Variants in ADAMTS2 observed in about 807,000 individuals in gnomAD.
ADAMTS2 encodes the protein A disintegrin and metalloproteinase with thrombospondin motifs 2.
In ADAMTS2, 50 loss-of-function variants were observed where a neutral mutation model predicts 123.0. That is an observed-to-expected ratio of 0.41 (90% confidence interval 0.32 to 0.51). The LOEUF is 0.51. Ranked by LOEUF, ADAMTS2 falls within the 20% of genes least tolerant of loss-of-function variation. The pLI, the probability that ADAMTS2 is intolerant of heterozygous loss-of-function variation, is 0.35. For synonymous variants in ADAMTS2, 678 were observed against 695.4 expected, an observed-to-expected ratio of 0.98 and a Z score of 0.39; for missense variants, 1,494 against 1,705.2, an observed-to-expected ratio of 0.88 and a Z score of 2.18.
At chr5:179,172,766 G>A (rs1168725263) in intron 5 of ADAMTS2, among the ~76,000 whole-genome samples, 1 of 152,124 alleles carries the variant, frequency 6.6e-6, no homozygotes, top group East Asian at 1.9e-4. Flanking sequence ...AGAGCCCTGT[G>A]GCATGCCACC....
Position 179,181,130 on chromosome 5 carries a change from G to A in ADAMTS2, c.917C>T (p.Ser306Phe), listed in dbSNP as rs1324002464. 6.2e-7 allele frequency: 1 copy of A among 1,613,812 alleles called. No homozygotes were observed. The highest frequency in any genetic ancestry group is 8.5e-7 in the Non-Finnish European group (1 of 1,179,912). ...NIVNEIYHDESLGAHINVVLV... is the reference protein window; with the variant it reads ...NIVNEIYHDEFLGAHINVVLV... ...GACCACGTTGATGTGGGCACCCAAG[G>A]ACTCGTCATGGTAGATTTCATTGAC... The change falls in exon 5 of 22, where the codon TCC (serine) becomes TTC (phenylalanine). Residue 306 changes from serine to phenylalanine, a missense_variant. Around this residue, in one of 6 missense-constraint regions of ADAMTS2, gnomAD observed 70 missense variants for 85.3 expected, o/e 0.82. Transcript: ENST00000251582. This position sits in a 1 kb window ranked among gnomAD's most constrained non-coding sequence, Gnocchi z 4.1.
intron 4 of ADAMTS2, 28 bp downstream of exon 4, chr5:179,207,485 A>ACCCCCCCCCCC: frequency 1.7e-6 from 1 of 587,018 alleles, no homozygotes; most frequent in South Asian, 2.1e-5. Flanking sequence ...TCCCCGCCCC[A>ACCCCCCCCCCC]CCCTGCCCCC....
chr5:179,207,350 C>T (rs1764721772), intron 4 of ADAMTS2, among the ~76,000 whole-genome samples, 163 bp downstream of exon 4: 1 of 152,180 alleles, frequency 6.6e-6, no homozygotes, highest in East Asian at 1.9e-4. Flanking sequence ...ACTTGTCTCA[C>T]CTGGGGACCC....
At position 179,183,248 on chromosome 5, in the gene ADAMTS2, C is replaced by T. The variant is rs1358242161; in HGVS notation, c.892-2093G>A. Among the ~76,000 whole-genome samples, 3 of 152,202 alleles carry T rather than the reference C, an allele frequency of 2.0e-5. No individual in the cohort carries two copies. In the East Asian group the frequency reaches 5.8e-4, roughly 29 times the overall value. The stretch of plus-strand genomic sequence containing the variant: ...GTTTTTCTTAAGAGAGAAGGGGTTT[C>T]TGTAATTGTCCACAGTATTGCTTTC... On this transcript the variant is annotated intron_variant, in intron 4 of 21. Coordinates refer to ENST00000251582, the MANE Select transcript of ADAMTS2 (RefSeq NM_014244.5).
chr5:179,176,035 T>G (rs1763923443), intron 5 of ADAMTS2, among the ~76,000 whole-genome samples: 1 of 152,196 alleles, frequency 6.6e-6, no homozygotes, highest in South Asian at 2.1e-4. Flanking sequence ...TTCCTTTGTT[T>G]GACCAGCATT....
chr5:179,178,472 C>T (rs994781615), intron 5 of ADAMTS2, among the ~76,000 whole-genome samples: 6 of 152,234 alleles, frequency 3.9e-5, no homozygotes, highest in South Asian at 2.1e-4. Context: ...CCTGGACCTC[C>T]GAAGTGGCCG....
At position 179,260,596 on chromosome 5, in the gene ADAMTS2, G is replaced by A. The variant is rs917421627; in HGVS notation, c.688+12315C>T. On this transcript the variant is annotated intron_variant, in intron 3 of 21. Coordinates refer to ENST00000251582, the MANE Select transcript of ADAMTS2 (RefSeq NM_014244.5). The surrounding 1 kb of genome is among the most constrained non-coding windows in gnomAD (Gnocchi z 4.2). ...CTGCACTGGGTGTCAGCAGCCCTGG[G>A]TTCTAAGCCTGCTCCTCCCTCCTGA... Among the ~76,000 whole-genome samples, 1 of 152,130 alleles carries A rather than the reference G, an allele frequency of 6.6e-6. No homozygotes were observed. The highest frequency in any genetic ancestry group is 1.5e-5 in the Non-Finnish European group (1 of 68,024).
In ADAMTS2 at chr5:179,130,374, C is replaced by T. The variant is rs981658159; in HGVS notation, c.2291-276G>A. 1.6e-4 allele frequency among the ~76,000 whole-genome samples: 25 copies of T among 152,180 alleles called. No homozygotes were observed. Among genetic ancestry groups the T allele is most frequent in the African/African-American group, 5.8e-4 (24 of 41,452 alleles). The stretch of plus-strand genomic sequence containing the variant: ...CTCCCCTTGGAAGCCACTCAGTAGC[C>T]GTCAAGGCCACCTACCCATACCCTA... On this transcript the variant is annotated intron_variant, in intron 15 of 21. Transcript: ENST00000251582. This position sits in a 1 kb window ranked among gnomAD's most constrained non-coding sequence, Gnocchi z 4.3.
At chr5:179,211,989 G>C (rs1055146089) in intron 3 of ADAMTS2, among the ~76,000 whole-genome samples, 1 of 152,272 alleles carries the variant, frequency 6.6e-6, no homozygotes, top group Non-Finnish European at 1.5e-5. Flanking sequence ...CACCACCAGA[G>C]AGGAGGAGTG....
In ADAMTS2 at chr5:179,185,467, G is replaced by T. The variant is rs900329527; in HGVS notation, c.892-4312C>A. Among the ~76,000 whole-genome samples the T allele has an allele frequency of 1.3e-5, 2 of 152,108 alleles. No individual in the cohort carries two copies. Among genetic ancestry groups the T allele is most frequent in the Non-Finnish European group, 2.9e-5 (2 of 68,004 alleles). ...TGGCCCTCTCCTGGCTCCTGGCCAGGCCCTGCCCCTCAGGACGCAAGATCT... is the reference window on the plus strand; with the variant it reads ...TGGCCCTCTCCTGGCTCCTGGCCAGTCCCTGCCCCTCAGGACGCAAGATCT... On this transcript the variant is annotated intron_variant, in intron 4 of 21. Coordinates refer to ENST00000251582, the MANE Select transcript of ADAMTS2 (RefSeq NM_014244.5). The surrounding 1 kb of genome is among the most constrained non-coding windows in gnomAD (Gnocchi z 5.9).
chr5:179,181,571 T>C lies in ADAMTS2; in HGVS notation c.892-416A>G, dbSNP rs1764049158. ...CCCTGGCAGAAGTCACTCCAAGCTA[T>C]AGCTGGTGGGTGTGGGGATTACCTA... On this transcript the variant is annotated intron_variant, in intron 4 of 21. Transcript: ENST00000251582. The surrounding 1 kb of genome is among the most constrained non-coding windows in gnomAD (Gnocchi z 4.1). Among the ~76,000 whole-genome samples the C allele has an allele frequency of 1.3e-5, 2 of 152,240 alleles. No individual in the cohort carries two copies. The highest frequency in any genetic ancestry group is 4.1e-4 in the South Asian group (2 of 4,820).
At chr5:179,229,181 C>T (rs1166698827) in intron 3 of ADAMTS2, among the ~76,000 whole-genome samples, 2 of 151,672 alleles carry the variant, frequency 1.3e-5, no homozygotes, top group African/African-American at 4.9e-5. Context: ...GTCAGAGAAT[C>T]GGAGGAAAGG....
intron 4 of ADAMTS2, among the ~76,000 whole-genome samples, chr5:179,206,296 G>A (rs1275032286): frequency 2.6e-5 from 4 of 152,142 alleles, no homozygotes; most frequent in Non-Finnish European, 5.9e-5. Flanking sequence ...TGCCCCTGAG[G>A]TATCTTTTCA....
intron 4 of ADAMTS2, among the ~76,000 whole-genome samples, chr5:179,187,600 C>T (rs911850027): frequency 2.6e-5 from 4 of 152,134 alleles, no homozygotes; most frequent in African/African-American, 7.2e-5. Context: ...CCCCTCCCCT[C>T]CCCCCAGCAG....
chr5:179,215,901 A>C (rs1314237912), intron 3 of ADAMTS2, among the ~76,000 whole-genome samples: 1 of 152,218 alleles, frequency 6.6e-6, no homozygotes, highest in Non-Finnish European at 1.5e-5. Flanking sequence ...CTGAAGGAAA[A>C]TGATTGTCCA....
At chr5:179,227,876 C>A (rs1300754980) in intron 3 of ADAMTS2, among the ~76,000 whole-genome samples, 2 of 151,890 alleles carry the variant, frequency 1.3e-5, no homozygotes, top group African/African-American at 2.4e-5. Context: ...GGAGAGGGAG[C>A]CAGGAAGGAG....
rs1041220305 is a variant in ADAMTS2, at chr5:179,137,871, C to T, written c.1849G>A (p.Asp617Asn). ...TCCTCGCGGAAGTCAGCCAGGGAGT[C>T]GGGGCAGTCCTGGCGGCTGCAGAGC... Reference protein sequence around the residue: ...FQLCSRQDCPDSLADFREEQC... With the variant: ...FQLCSRQDCPNSLADFREEQC... Residue 617 changes from aspartate (D) to asparagine (N), a missense_variant, in exon 12 of 22, where the codon GAC (aspartate) becomes AAC (asparagine). Transcript: ENST00000251582. 4.5e-6 allele frequency: 7 copies of T among 1,561,360 alleles called. No homozygotes were observed. The highest frequency in any genetic ancestry group is 2.4e-5 in the East Asian group (1 of 41,594).
At chr5:179,247,262 A>G (rs1197662970) in intron 3 of ADAMTS2, among the ~76,000 whole-genome samples, 1 of 152,210 alleles carries the variant, frequency 6.6e-6, no homozygotes, top group Non-Finnish European at 1.5e-5. Context: ...AAAAATTTCA[A>G]TAGATCAGTT....
chr5:179,220,470 C>G (rs1339195051), intron 3 of ADAMTS2, among the ~76,000 whole-genome samples: 1 of 152,172 alleles, frequency 6.6e-6, no homozygotes, highest in Non-Finnish European at 1.5e-5. Flanking sequence ...ACCTCACACT[C>G]AGAAGGTCCA....
Sources: gnomAD v4.1 joint callset for allele counts (sites outside exome capture counted in the v4.1 genomes callset) on GRCh38, gnomAD v4.1.1 for gene constraint, gnomAD v4.1.1 regional missense constraint, Gnocchi (gnomAD v3.1) non-coding constraint, MANE v1.5 for transcripts, NCBI Gene and HGNC (gene_info 2026-07-23, HGNC 2026-07-21) for gene names.